Variants in SENP7 observed in about 807,000 individuals in gnomAD.
SENP7 encodes the protein SUMO specific peptidase 7, also known as sentrin-specific protease 7.
A neutral mutation model predicts 141.2 loss-of-function variants in SENP7; 64 were observed. The ratio of observed to expected loss-of-function variants is 0.45; its 90% CI spans 0.37 to 0.56. The LOEUF (loss-of-function observed/expected upper bound fraction) is 0.56, where lower values mean the gene tolerates loss of function less well. Among genes scored for constraint, SENP7 ranks in the 20% least tolerant of loss-of-function variants. The pLI is 0.00. For missense variants in SENP7, 1,025 were observed against 1,212.2 expected (o/e 0.85, Z 2.29); for synonymous variants, 382 against 426.4 (o/e 0.90, Z 1.28).
At chr3:101,448,461 A>G (rs990591423) in intron 4 of SENP7, among the ~76,000 whole-genome samples, 2 of 152,224 alleles carry the variant, frequency 1.3e-5, no homozygotes, top group Non-Finnish European at 2.9e-5. Context: ...CATACAAACG[A>G]CGAATTAGCT....
chr3:101,431,698 C>T (rs562981304), intron 4 of SENP7, among the ~76,000 whole-genome samples: 2 of 151,704 alleles, frequency 1.3e-5, no homozygotes, highest in South Asian at 2.1e-4. Context: ...GAAGGAGAAT[C>T]GCTTGAACCC....
chr3:101,387,523 C>T (rs1328596966), intron 6 of SENP7, among the ~76,000 whole-genome samples: 2 of 152,130 alleles, frequency 1.3e-5, no homozygotes, highest in African/African-American at 4.8e-5. Context: ...GGCACCCACA[C>T]ACATCATTCA....
At chr3:101,442,310 C>CG (rs2062706865) in intron 4 of SENP7, among the ~76,000 whole-genome samples, 1 of 152,198 alleles carries the variant, frequency 6.6e-6, no homozygotes. Context: ...CCACAGACCA[C>CG]GGGATGGCAG....
At chr3:101,453,610 G>GC (rs200695940) in intron 4 of SENP7, among the ~76,000 whole-genome samples, 3,598 of 151,890 alleles carry the variant, frequency 0.024, 143 homozygotes, top group African/African-American at 0.082. Context: ...GTAAACTATC[G>GC]CAAGGACAAA....
intron 2 of SENP7, among the ~76,000 whole-genome samples, chr3:101,496,504 T>A (rs1397003409): frequency 6.6e-6 from 1 of 151,388 alleles, no homozygotes; most frequent in African/African-American, 2.4e-5. Flanking sequence ...GCTCAAGCAA[T>A]CCTCCCATCT....
chr3:101,454,786 A>G (rs1489860231), intron 4 of SENP7, among the ~76,000 whole-genome samples: 1 of 152,226 alleles, frequency 6.6e-6, no homozygotes, highest in African/African-American at 2.4e-5. Context: ...AAATGTCCAA[A>G]AAATCAAATC....
chr3:101,429,884 G>A (rs574218273), intron 4 of SENP7, among the ~76,000 whole-genome samples: 1 of 149,994 alleles, frequency 6.7e-6, no homozygotes, highest in East Asian at 2.0e-4. Context: ...AGTTTACTGA[G>A]AGTTTTTAGC....
intron 4 of SENP7, among the ~76,000 whole-genome samples, chr3:101,426,547 T>C (rs909851945): frequency 6.6e-6 from 1 of 151,998 alleles, no homozygotes; most frequent in East Asian, 1.9e-4. Context: ...TGGCACCATC[T>C]TGACTCACTG....
chr3:101,495,795 T>C (rs974944195), intron 2 of SENP7, among the ~76,000 whole-genome samples: 6 of 152,136 alleles, frequency 3.9e-5, no homozygotes, highest in Admixed American at 3.3e-4. Context: ...ATGCTGGCCT[T>C]AATATCTAGG....
At chr3:101,340,391 T>C (rs562851032) in intron 15 of SENP7, 180 bp from the exon 16 acceptor site, 14 of 699,668 alleles carry the variant, frequency 2.0e-5, no homozygotes, top group Non-Finnish European at 3.1e-5. Context: ...AAGCTACTAA[T>C]GGTACTCCGA....
chr3:101,500,432 C>T (rs2065333078), intron 2 of SENP7, among the ~76,000 whole-genome samples: 2 of 151,856 alleles, frequency 1.3e-5, no homozygotes. Context: ...TGGCACATCC[C>T]TGTATTCCCA....
chr3:101,348,062 T>C lies in SENP7; in HGVS notation c.1658-11A>G, dbSNP rs769503486. 1.3e-6 allele frequency: 2 copies of C among 1,551,596 alleles called. No homozygotes were observed. Among genetic ancestry groups the C allele is most frequent in the African/African-American group, 1.4e-5 (1 of 72,330 alleles). ...TCTCATTCAGGGACACTGAAACAAA[T>C]AAAAGACAACAATTTAAAAAATTAA... On this transcript the variant is annotated splice_polypyrimidine_tract_variant and intron_variant, in intron 12 of 23. Coordinates refer to ENST00000394095, the MANE Select transcript of SENP7 (RefSeq NM_020654.5).
chr3:101,477,190 AT>A, intron 3 of SENP7, among the ~76,000 whole-genome samples: 2 of 152,270 alleles, frequency 1.3e-5, no homozygotes, highest in South Asian at 4.1e-4. Flanking sequence ...TATGCCCTGA[AT>A]GGTATTACCT....
chr3:101,398,359 CT>C (rs2061031982), intron 6 of SENP7, among the ~76,000 whole-genome samples: 1 of 152,168 alleles, frequency 6.6e-6, no homozygotes, highest in African/African-American at 2.4e-5. Context: ...ACTTGGGAGG[CT>C]GAGGTAGGAG....
intron 13 of SENP7, among the ~76,000 whole-genome samples, chr3:101,346,405 T>TG (rs1576025968): frequency 6.6e-6 from 1 of 152,148 alleles, no homozygotes; most frequent in East Asian, 1.9e-4. Context: ...ATCCCACTAC[T>TG]GGGTATCTAC....
chr3:101,388,892 C>T (rs1378886193), intron 6 of SENP7, among the ~76,000 whole-genome samples: 1 of 151,268 alleles, frequency 6.6e-6, no homozygotes, highest in Admixed American at 6.6e-5. Flanking sequence ...ATAGACTAGA[C>T]CAAGAAGAAT....
At chr3:101,409,075 C>T (rs528208833) in intron 5 of SENP7, among the ~76,000 whole-genome samples, 1 of 152,166 alleles carries the variant, frequency 6.6e-6, no homozygotes, top group Non-Finnish European at 1.5e-5. Flanking sequence ...TAAAAGAATT[C>T]GGTAAAGTTT....
intron 6 of SENP7, among the ~76,000 whole-genome samples, chr3:101,388,451 T>G (rs1322814728): frequency 6.6e-6 from 1 of 152,180 alleles, no homozygotes; most frequent in African/African-American, 2.4e-5. Context: ...ATCAAAGCCA[T>G]AGCATCTTAC....
At chr3:101,457,099 T>C (rs1365475576) in intron 4 of SENP7, 3 of 607,946 alleles carry the variant, frequency 4.9e-6, no homozygotes, top group Non-Finnish European at 8.7e-6. Context: ...AGAGCTGCAG[T>C]GTCCAAAGGG....
Sources: gnomAD v4.1 joint callset for allele counts (sites outside exome capture counted in the v4.1 genomes callset) on GRCh38, gnomAD v4.1.1 for gene constraint, MANE v1.5 for transcripts, NCBI Gene and HGNC (gene_info 2026-07-23, HGNC 2026-07-21) for gene names.